The following MCTP1 variants were observed in gnomAD, a reference collection of about 807,000 sequenced individuals.
MCTP1 encodes multiple C2 and transmembrane domain containing 1.
Under a neutral mutation model 120.6 loss-of-function variants are expected in MCTP1, and 69 were observed. The ratio of observed to expected loss-of-function variants is 0.57; its 90% CI spans 0.47 to 0.70. The LOEUF (loss-of-function observed/expected upper bound fraction) is 0.70. MCTP1 is among the 30% of genes least tolerant of loss of function. The pLI, the probability that MCTP1 is intolerant of heterozygous loss-of-function variation, is 0.00. For missense variants in MCTP1, 1,203 were observed against 1,248.8 expected, an observed-to-expected ratio of 0.96 and a Z score of 0.55; for synonymous variants, 529 against 493.1, an observed-to-expected ratio of 1.07 and a Z score of -0.96.
At position 94,707,227 on chromosome 5, in the gene MCTP1, T is replaced by C. The variant is rs1392629041; in HGVS notation, c.*269A>G. ...AATATATCTTCCAGTGTTATCATTC[T>C]TATATTTGTTCTTTCAGTGTGTTAT... On this transcript the variant is annotated 3_prime_UTR_variant, in exon 23 of 23. Coordinates refer to ENST00000515393, the MANE Select transcript of MCTP1 (RefSeq NM_024717.7). 2 of 321,922 alleles carry C rather than the reference T, an allele frequency of 6.2e-6. No individual in the cohort carries two copies. The highest frequency in any genetic ancestry group is 1.1e-5 in the Non-Finnish European group (2 of 177,288). 19.9% of individuals were successfully genotyped at this position (321,922 alleles called of 1,614,324 possible).
intron 1 of MCTP1, among the ~76,000 whole-genome samples, chr5:95,167,765 T>C (rs1196094992): frequency 6.6e-6 from 1 of 152,244 alleles, no homozygotes; most frequent in Non-Finnish European, 1.5e-5. Context: ...TGTTTGTTTT[T>C]TCTTGAGTTC....
chr5:95,039,587 C>T (rs532792538), intron 1 of MCTP1, among the ~76,000 whole-genome samples: 12 of 151,998 alleles, frequency 7.9e-5, no homozygotes, highest in Non-Finnish European at 1.8e-4. Flanking sequence ...AATATCTGTA[C>T]CACAGGATGA....
chr5:94,907,294 A>T (rs1392324183), intron 10 of MCTP1, among the ~76,000 whole-genome samples: 1 of 152,208 alleles, frequency 6.6e-6, no homozygotes, highest in Non-Finnish European at 1.5e-5. Context: ...TTGCTAATTT[A>T]GGAGTGTGCA....
At chr5:94,950,687 C>A (rs1464843520) in intron 3 of MCTP1, among the ~76,000 whole-genome samples, 1 of 152,096 alleles carries the variant, frequency 6.6e-6, no homozygotes, top group Non-Finnish European at 1.5e-5. Flanking sequence ...GGCGCGGTGG[C>A]TCGTGCCTGT....
intron 7 of MCTP1, among the ~76,000 whole-genome samples, chr5:94,921,916 T>A (rs1811750982): frequency 6.6e-6 from 1 of 152,176 alleles, no homozygotes; most frequent in Non-Finnish European, 1.5e-5. Flanking sequence ...CATCATAAAC[T>A]CAAAGAGGGA....
intron 1 of MCTP1, chr5:95,081,437 T>C (rs1754909146): frequency 6.2e-7 from 1 of 1,611,498 alleles, no homozygotes; most frequent in South Asian, 1.1e-5. Context: ...TTATTACAAA[T>C]AAATGGCAAA....
chr5:95,178,535 C>A (rs1748269301), intron 1 of MCTP1, among the ~76,000 whole-genome samples: 1 of 152,188 alleles, frequency 6.6e-6, no homozygotes, highest in African/African-American at 2.4e-5. Flanking sequence ...AGCTCAGAGC[C>A]TGGTAGGCTC....
At chr5:95,193,642 A>T (rs1750063527) in intron 1 of MCTP1, among the ~76,000 whole-genome samples, 1 of 152,134 alleles carries the variant, frequency 6.6e-6, no homozygotes, top group Non-Finnish European at 1.5e-5. Flanking sequence ...CGAACCATTA[A>T]CATGGGCAAA....
At chr5:95,025,352 A>G (rs1035753189) in intron 1 of MCTP1, among the ~76,000 whole-genome samples, 9 of 152,304 alleles carry the variant, frequency 5.9e-5, no homozygotes, top group Admixed American at 5.2e-4. Context: ...AGTTGGAAAA[A>G]CTATATATCC....
intron 1 of MCTP1, among the ~76,000 whole-genome samples, chr5:95,151,222 A>AATCTGT (rs11282064): frequency 0.016 from 2,424 of 150,860 alleles, 61 homozygotes; most frequent in African/African-American, 0.056. Flanking sequence ...GAGCTCAGGC[A>AATCTGT]ATCTGTCAGC....
At chr5:94,888,656 C>T (rs1156323713) in intron 12 of MCTP1, among the ~76,000 whole-genome samples, 1 of 152,144 alleles carries the variant, frequency 6.6e-6, no homozygotes, top group African/African-American at 2.4e-5. Flanking sequence ...ATTCAAAAGT[C>T]ATTTTGTTTT....
intron 1 of MCTP1, among the ~76,000 whole-genome samples, chr5:95,079,166 G>T (rs73140034): frequency 0.046 from 7,030 of 152,072 alleles, 498 homozygotes; most frequent in African/African-American, 0.16. Context: ...TTTATCTCAG[G>T]GGGGATAAGC....
At chr5:95,158,709 T>C (rs1465087219) in intron 1 of MCTP1, among the ~76,000 whole-genome samples, 1 of 151,938 alleles carries the variant, frequency 6.6e-6, no homozygotes, top group Non-Finnish European at 1.5e-5. Flanking sequence ...GAGGATCACT[T>C]GACCTCACAA....
chr5:94,752,108 A>AAAATATAT (rs1202385761), intron 19 of MCTP1, among the ~76,000 whole-genome samples: 1 of 75,756 alleles, frequency 1.3e-5, no homozygotes, highest in Non-Finnish European at 3.1e-5. Flanking sequence ...TAAATAATAA[A>AAAATATAT]ATATATATAT....
intron 17 of MCTP1, among the ~76,000 whole-genome samples, chr5:94,861,040 G>T (rs1208159346): frequency 6.6e-6 from 1 of 151,658 alleles, no homozygotes; most frequent in Non-Finnish European, 1.5e-5. Context: ...TTGCCTCTTA[G>T]TTTTCTCTGA....
intron 17 of MCTP1, among the ~76,000 whole-genome samples, chr5:94,808,860 A>C (rs975513031): frequency 2.6e-5 from 4 of 152,136 alleles, no homozygotes; most frequent in Admixed American, 6.6e-5. Context: ...TTGAAAAAAC[A>C]TTGTTTCTTT....
At chr5:95,005,645 G>C (rs992172006) in intron 2 of MCTP1, among the ~76,000 whole-genome samples, 3 of 152,092 alleles carry the variant, frequency 2.0e-5, no homozygotes, top group Non-Finnish European at 4.4e-5. Context: ...TTGCTGGACA[G>C]ATGAATATGT....
At chr5:94,829,695 G>A (rs1176010373) in intron 17 of MCTP1, among the ~76,000 whole-genome samples, 2 of 152,168 alleles carry the variant, frequency 1.3e-5, no homozygotes, top group Admixed American at 1.3e-4. Context: ...AAGGGAGCAT[G>A]TAAAAATAGA....
At chr5:94,769,230 G>C (rs997654286) in intron 19 of MCTP1, among the ~76,000 whole-genome samples, 3 of 152,240 alleles carry the variant, frequency 2.0e-5, no homozygotes, top group Admixed American at 6.5e-5. Flanking sequence ...ACTAGAGGCT[G>C]GGAAGCGGGT....
Sources: allele counts gnomAD v4.1 joint callset (sites outside exome capture counted in the v4.1 genomes callset), GRCh38; gene constraint gnomAD v4.1.1; transcripts MANE v1.5; gene names NCBI Gene and HGNC (gene_info 2026-07-23, HGNC 2026-07-21).